PSD3: variants seen among roughly 807,000 people sequenced by gnomAD.
The protein encoded by PSD3 is pleckstrin and Sec7 domain containing 3.
PSD3 carries 49 observed loss-of-function variants against 105.5 expected under a neutral mutation model. The observed-to-expected ratio is 0.46, with a 90% CI of 0.37 to 0.59. The LOEUF is 0.59. Ranked by LOEUF, PSD3 falls within the 20% of genes least tolerant of loss-of-function variation. The pLI is 0.00. For synonymous variants in PSD3, 557 were observed against 457.8 expected, an observed-to-expected ratio of 1.22 and a Z score of -2.77; for missense variants, 1,561 against 1,263.8, an observed-to-expected ratio of 1.24 and a Z score of -3.57.
At chr8:18,764,458 A>C (rs560891518) in intron 9 of PSD3, among the ~76,000 whole-genome samples, 1 of 151,980 alleles carries the variant, frequency 6.6e-6, no homozygotes, top group African/African-American at 2.4e-5. Context: ...TTTTTTTTTC[A>C]TAATTTCTTG....
chr8:19,053,961 C>T (rs1828618919), intron 1 of PSD3, among the ~76,000 whole-genome samples: 1 of 152,192 alleles, frequency 6.6e-6, no homozygotes, highest in South Asian at 2.1e-4. Context: ...TTGGCTTTCA[C>T]CTTAGTGGTT....
intron 15 of PSD3, among the ~76,000 whole-genome samples, chr8:18,547,123 G>A (rs1051325564): frequency 2.0e-5 from 3 of 152,160 alleles, no homozygotes; most frequent in East Asian, 3.9e-4. Flanking sequence ...CTAGCACTGG[G>A]CACCCACCCA....
At chr8:18,906,619 C>G (rs1005437324) in intron 2 of PSD3, among the ~76,000 whole-genome samples, 5 of 152,038 alleles carry the variant, frequency 3.3e-5, no homozygotes, top group African/African-American at 1.2e-4. Context: ...AAACTTCATA[C>G]CTTCAAATCA....
intron 8 of PSD3, among the ~76,000 whole-genome samples, chr8:18,790,556 C>A (rs1809619749): frequency 6.6e-6 from 1 of 152,072 alleles, no homozygotes; most frequent in Non-Finnish European, 1.5e-5. Context: ...CCCACCTTGG[C>A]CTCCCAAAGT....
At chr8:19,018,911 C>T (rs1197553596) in intron 1 of PSD3, among the ~76,000 whole-genome samples, 3 of 152,144 alleles carry the variant, frequency 2.0e-5, no homozygotes, top group Non-Finnish European at 2.9e-5. Context: ...GTTCTTCTGC[C>T]TCAGCCTCCT....
At chr8:18,563,704 G>A (rs979630745) in intron 14 of PSD3, among the ~76,000 whole-genome samples, 7 of 152,054 alleles carry the variant, frequency 4.6e-5, no homozygotes, top group African/African-American at 1.2e-4. Context: ...TACAGACCTC[G>A]AAGAAATGAA....
chr8:18,957,533 G>GTAA (rs1823652862), intron 1 of PSD3, among the ~76,000 whole-genome samples: 1 of 496 alleles, frequency 2.0e-3, no homozygotes, highest in African/African-American at 8.1e-3. Context: ...GTTCCCTCCA[G>GTAA]TCACTAGCAT....
At chr8:18,919,996 AT>A (rs1820896310) in intron 2 of PSD3, among the ~76,000 whole-genome samples, 1 of 150,262 alleles carries the variant, frequency 6.7e-6, no homozygotes, top group Admixed American at 6.6e-5. Context: ...AACTTAAAGT[AT>A]AATAAAAAAA....
At chr8:18,562,534 T>C (rs561473920) in intron 14 of PSD3, among the ~76,000 whole-genome samples, 8 of 152,284 alleles carry the variant, frequency 5.3e-5, no homozygotes, top group Non-Finnish European at 7.3e-5. Flanking sequence ...TCCTCTGCTA[T>C]AGCTCTCAAA....
intron 11 of PSD3, among the ~76,000 whole-genome samples, chr8:18,601,492 C>G (rs1804438204): frequency 6.6e-6 from 1 of 152,130 alleles, no homozygotes; most frequent in Non-Finnish European, 1.5e-5. Context: ...TGACTGAATA[C>G]TCAAGAATTC....
chr8:18,681,517 A>G (rs1800390673), intron 9 of PSD3, among the ~76,000 whole-genome samples: 1 of 151,798 alleles, frequency 6.6e-6, no homozygotes, highest in African/African-American at 2.4e-5. Flanking sequence ...AAATACTACT[A>G]GATACAAGTA....
At chr8:18,916,379 A>ACACACAC (rs1820608215) in intron 2 of PSD3, among the ~76,000 whole-genome samples, 1 of 21,648 alleles carries the variant, frequency 4.6e-5, no homozygotes, top group Admixed American at 4.2e-4. Flanking sequence ...CACACACACA[A>ACACACAC]ACAGAATACT....
intron 14 of PSD3, among the ~76,000 whole-genome samples, chr8:18,568,150 C>G (rs1801908653): frequency 6.6e-6 from 1 of 152,078 alleles, no homozygotes; most frequent in Non-Finnish European, 1.5e-5. Flanking sequence ...GAACCGTGAG[C>G]CAAATAAACC....
chr8:18,929,556 C>A (rs1015920431), intron 2 of PSD3, among the ~76,000 whole-genome samples: 1 of 152,160 alleles, frequency 6.6e-6, no homozygotes, highest in Non-Finnish European at 1.5e-5. Context: ...CCAGTCCATA[C>A]ACCCCACCTC....
intron 2 of PSD3, among the ~76,000 whole-genome samples, chr8:18,927,926 A>C (rs966029681): frequency 3.9e-5 from 6 of 152,236 alleles, no homozygotes; most frequent in African/African-American, 1.4e-4. Context: ...ACTGTTGTGG[A>C]AAACAATTTA....
At chr8:18,741,631 G>A (rs747622733) in intron 9 of PSD3, among the ~76,000 whole-genome samples, 36 of 151,828 alleles carry the variant, frequency 2.4e-4, no homozygotes, top group Non-Finnish European at 4.7e-4. Context: ...TACATATGTC[G>A]GCACCTTTGA....
chr8:18,906,368 C>T (rs1176748737), intron 2 of PSD3, among the ~76,000 whole-genome samples: 1 of 152,112 alleles, frequency 6.6e-6, no homozygotes, highest in African/African-American at 2.4e-5. Context: ...TAAGATGTGG[C>T]CGTGTTTTTA....
chr8:18,633,816 T>G lies in PSD3; in HGVS notation c.2217-1010A>C, dbSNP rs139913581. On this transcript the variant is annotated intron_variant, in intron 10 of 15. Transcript: ENST00000327040. ...TGATTTGAATGGTAGTTCTTTTTTA[T>G]GTACTCTAACAAAGTACTTAAAAAC... Among the ~76,000 whole-genome samples the G allele has an allele frequency of 1.9e-3, 292 of 152,248 alleles. 5 individuals carry two copies. The highest frequency in any genetic ancestry group is 1.8e-4 in the Non-Finnish European group (12 of 67,998).
chr8:18,775,624 A>T (rs1052096791), intron 8 of PSD3, among the ~76,000 whole-genome samples: 1 of 152,096 alleles, frequency 6.6e-6, no homozygotes, highest in Admixed American at 6.5e-5. Flanking sequence ...GGCCATTTCT[A>T]TGTCTTCTTT....
Sources: allele counts gnomAD v4.1 joint callset (sites outside exome capture counted in the v4.1 genomes callset), GRCh38; gene constraint gnomAD v4.1.1; transcripts MANE v1.5; gene names NCBI Gene and HGNC (gene_info 2026-07-23, HGNC 2026-07-21).